The following FOCAD variants were observed in gnomAD, a reference collection of about 807,000 sequenced individuals.
The protein encoded by FOCAD is KIAA1797.
FOCAD carries 198 observed loss-of-function variants against 225.6 expected under a neutral mutation model. The ratio of observed to expected loss-of-function variants is 0.88; its 90% confidence interval spans 0.78 to 0.99. FOCAD has a LOEUF of 0.99. Among genes scored for constraint, FOCAD ranks in the 50% least tolerant of loss-of-function variants. The pLI, the probability that FOCAD is intolerant of heterozygous loss-of-function variation, is 0.00. For synonymous variants in FOCAD, 897 were observed against 755.0 expected (o/e 1.19, Z -3.08); for missense variants, 2,713 against 2,123.6 (o/e 1.28, Z -5.46).
chr9:20,677,804 A>G lies in FOCAD; in HGVS notation c.-77-16716A>G, dbSNP rs145270282. Among the ~76,000 whole-genome samples the G allele has an allele frequency of 7.7e-4, 117 of 152,326 alleles. No homozygotes were observed. The East Asian group carries it at 9.6e-3, about 13-fold the overall frequency. On this transcript the variant is annotated intron_variant, in intron 2 of 45. Coordinates refer to the FOCAD transcript ENST00000380249. ...TCTCAAAATACTAAAAAATAGAACT[A>G]TATCTGATACTGCAATCCCACTTTT...
At chr9:20,963,742 C>G (rs1838989461) in intron 35 of FOCAD, among the ~76,000 whole-genome samples, 2 of 152,164 alleles carry the variant, frequency 1.3e-5, no homozygotes, top group African/African-American at 4.8e-5. Context: ...TTTGTGAAAT[C>G]AAAGACTGCA....
intron 15 of FOCAD, among the ~76,000 whole-genome samples, chr9:20,842,933 C>T (rs892712164): frequency 6.6e-6 from 1 of 151,830 alleles, no homozygotes; most frequent in Non-Finnish European, 1.5e-5. Flanking sequence ...TAACATCTTA[C>T]AACCCATTAT....
intron 15 of FOCAD, among the ~76,000 whole-genome samples, chr9:20,842,953 A>G (rs1826690849): frequency 6.6e-6 from 1 of 151,976 alleles, no homozygotes; most frequent in Non-Finnish European, 1.5e-5. Context: ...TTTTAAACTG[A>G]TGAGAACCTA....
intron 1 of FOCAD, among the ~76,000 whole-genome samples, chr9:20,705,559 A>G (rs1197982340): frequency 2.0e-5 from 3 of 152,262 alleles, no homozygotes; most frequent in South Asian, 2.1e-4. Context: ...TTTTGCGATC[A>G]TTTATTGGCC....
At chr9:20,756,952 G>A (rs532210692) in intron 5 of FOCAD, among the ~76,000 whole-genome samples, 2 of 151,628 alleles carry the variant, frequency 1.3e-5, no homozygotes, top group Non-Finnish European at 2.9e-5. Flanking sequence ...TTTTTGAGAT[G>A]GAGTTTTGCT....
At chr9:20,763,850 T>C (rs1352478554) in intron 6 of FOCAD, among the ~76,000 whole-genome samples, 1 of 152,186 alleles carries the variant, frequency 6.6e-6, no homozygotes, top group Non-Finnish European at 1.5e-5. Flanking sequence ...TTGATGATCA[T>C]TCCGGTGTTT....
intron 2 of FOCAD, among the ~76,000 whole-genome samples, chr9:20,668,915 G>C (rs1474725288): frequency 6.6e-6 from 1 of 152,144 alleles, no homozygotes; most frequent in East Asian, 1.9e-4. Flanking sequence ...CACGCTCCCC[G>C]TTTTCTCCTC....
chr9:20,981,456 G>T lies in FOCAD; in HGVS notation c.4408G>T (p.Ala1470Ser), dbSNP rs1375092633. 1 of 1,614,096 alleles carries T rather than the reference G, an allele frequency of 6.2e-7. No individual in the cohort carries two copies. The highest frequency in any genetic ancestry group is 1.7e-5 in the Admixed American group (1 of 60,028). The stretch of plus-strand genomic sequence containing the variant: ...TACCAAGAGATATCTCCTGATATCT[G>T]CACCTCTGTGGATAAAACACATCTC... ...LNTKRYLLIS[A>S]PLWIKHISDE... The change falls in exon 38 of 44, where the codon GCA (alanine) becomes TCA (serine). Residue 1470 changes from alanine (A) to serine (S), a missense_variant. Coordinates refer to ENST00000338382, the MANE Select transcript of FOCAD (RefSeq NM_001375567.1).
chr9:20,722,358 G>T (rs908729565), intron 4 of FOCAD, among the ~76,000 whole-genome samples: 3 of 152,126 alleles, frequency 2.0e-5, no homozygotes, highest in Non-Finnish European at 4.4e-5. Context: ...CCTTGTGTGT[G>T]TTCCACACCA....
chr9:20,976,485 A>G lies in FOCAD; in HGVS notation c.4198A>G (p.Ser1400Gly), dbSNP rs1840243588. The G allele has an allele frequency of 6.2e-7, 1 of 1,613,276 alleles. No homozygotes were observed. The highest frequency in any genetic ancestry group is 1.3e-5 in the African/African-American group (1 of 74,890). ...VMKPIATVGE[S>G]YQYPPVNWAA... is the part of the protein sequence containing the mutation. ...GAAACCCATAGCAACTGTTGGAGAAAGCTACCAATATCCTCCTGTGAACTG... is the reference window on the plus strand; with the variant it reads ...GAAACCCATAGCAACTGTTGGAGAAGGCTACCAATATCCTCCTGTGAACTG... The change falls in exon 36 of 44, where the codon AGC (serine) becomes GGC (glycine). Residue 1400 changes from serine to glycine, a missense_variant. By Grantham distance (56) the Ser-to-Gly change is moderately conservative. Transcript: ENST00000338382.
chr9:20,966,982 AGAT>A (rs1839321174), intron 35 of FOCAD, among the ~76,000 whole-genome samples: 2 of 151,390 alleles, frequency 1.3e-5, no homozygotes, highest in Admixed American at 6.6e-5. Flanking sequence ...TCTTTTTTCA[AGAT>A]ATTTTTTTTT....
At position 20,993,268 on chromosome 9, in the gene FOCAD, T is replaced by C; in HGVS notation, c.5272T>C (p.Phe1758Leu). The change falls in exon 43 of 44, where the codon TTC becomes CTC. Residue 1758 changes from phenylalanine to leucine, a missense_variant. Physicochemically the swap from Phe to Leu is conservative, Grantham distance 22. Transcript: ENST00000338382. ...EQTQKFIDWL[F>L]SIMESPKEAL... is the part of the protein sequence containing the mutation. ...TTTACCCTAGTTCATTGACTGGCTA[T>C]TCAGCATCATGGAAAGCCCTAAAGA... is the stretch of plus-strand genomic sequence containing the variant. The C allele has an allele frequency of 2.5e-6, 4 of 1,613,958 alleles. No individual in the cohort carries two copies. Among genetic ancestry groups the C allele is most frequent in the Non-Finnish European group, 3.4e-6 (4 of 1,179,838 alleles).
At chr9:20,986,885 C>T (rs1001193956) in intron 40 of FOCAD, among the ~76,000 whole-genome samples, 1 of 152,166 alleles carries the variant, frequency 6.6e-6, no homozygotes, top group Admixed American at 6.5e-5. Context: ...AGAAGAACTT[C>T]TCTGGGATGA....
intron 35 of FOCAD, among the ~76,000 whole-genome samples, chr9:20,969,705 TA>T (rs56107848): frequency 1.5e-4 from 19 of 129,458 alleles, no homozygotes; most frequent in East Asian, 9.6e-4. Context: ...AACAAAAATA[TA>T]AAAAAATATA....
chr9:20,993,457 T>C (rs536723288), intron 43 of FOCAD, 129 bp downstream of exon 43: 2 of 746,216 alleles, frequency 2.7e-6, no homozygotes, highest in Non-Finnish European at 4.4e-6. Flanking sequence ...AGAGGTGTTT[T>C]GGATTTTGGA....
intron 8 of FOCAD, 141 bp downstream of exon 8, chr9:20,770,379 C>T (rs892767891): frequency 2.7e-6 from 2 of 749,840 alleles, no homozygotes; most frequent in Non-Finnish European, 4.2e-6. Flanking sequence ...ATCTGCTTAG[C>T]TTCTGGGGAG....
At chr9:20,697,617 A>G (rs952483973) in intron 1 of FOCAD, among the ~76,000 whole-genome samples, 3 of 152,240 alleles carry the variant, frequency 2.0e-5, no homozygotes, top group Non-Finnish European at 4.4e-5. Flanking sequence ...TATCAGAAAG[A>G]GCTTTTTTTA....
At chr9:20,741,698 T>TTTA (rs398010447) in intron 5 of FOCAD, among the ~76,000 whole-genome samples, 9 of 149,796 alleles carry the variant, frequency 6.0e-5, no homozygotes, top group East Asian at 5.8e-4. Context: ...TTTTTTTTTT[T>TTTA]AACATAGTGG....
At chr9:20,845,254 G>A (rs1199290264) in intron 15 of FOCAD, among the ~76,000 whole-genome samples, 1 of 151,904 alleles carries the variant, frequency 6.6e-6, no homozygotes, top group African/African-American at 2.4e-5. Context: ...AGCAGAATTA[G>A]AAGCAAAAAT....
Sources: gnomAD v4.1 joint callset for allele counts (sites outside exome capture counted in the v4.1 genomes callset) on GRCh38, gnomAD v4.1.1 for gene constraint, MANE v1.5 for transcripts, NCBI Gene and HGNC (gene_info 2026-07-23, HGNC 2026-07-21) for gene names.